PHACTR1: variants seen among roughly 807,000 people sequenced by gnomAD.
PHACTR1 encodes the protein phosphatase and actin regulator 1.
PHACTR1 carries 16 observed loss-of-function variants against 69.2 expected under a neutral mutation model. That is an observed-to-expected ratio of 0.23 (90% CI 0.16 to 0.35). The LOEUF is 0.35. Ranked by LOEUF, PHACTR1 falls within the 10% of genes least tolerant of loss-of-function variation. The pLI, the probability that PHACTR1 is intolerant of heterozygous loss-of-function variation, is 1.00. For missense variants in PHACTR1, 510 were observed against 734.7 expected, an observed-to-expected ratio of 0.69 and a Z score of 3.54; for synonymous variants, 312 against 284.5, an observed-to-expected ratio of 1.10 and a Z score of -0.97.
intron 4 of PHACTR1, among the ~76,000 whole-genome samples, chr6:12,809,761 G>A (rs1004854654): frequency 6.6e-6 from 1 of 152,156 alleles, no homozygotes; most frequent in African/African-American, 2.4e-5. Context: ...TACAAGATCA[G>A]ATACATACGG....
intron 4 of PHACTR1, among the ~76,000 whole-genome samples, chr6:12,997,893 C>T (rs1797621227): frequency 6.6e-6 from 1 of 152,066 alleles, no homozygotes; most frequent in Non-Finnish European, 1.5e-5. Context: ...GCAGAGCTTG[C>T]AGTGAGCCGA....
At chr6:12,725,692 T>C (rs562943087) in intron 3 of PHACTR1, among the ~76,000 whole-genome samples, 7 of 152,324 alleles carry the variant, frequency 4.6e-5, no homozygotes, top group Admixed American at 3.3e-4. Flanking sequence ...GATTAGTTAT[T>C]GATACTCTTG....
chr6:12,738,983 C>G (rs1044628573), intron 3 of PHACTR1, among the ~76,000 whole-genome samples: 1 of 151,962 alleles, frequency 6.6e-6, no homozygotes, highest in East Asian at 1.9e-4. Context: ...TAATGAGTAC[C>G]CATATATAAT....
At chr6:12,747,933 C>A (rs2127593712) in intron 3 of PHACTR1, among the ~76,000 whole-genome samples, 1 of 152,102 alleles carries the variant, frequency 6.6e-6, no homozygotes, top group Non-Finnish European at 1.5e-5. Flanking sequence ...AACTGGCCAA[C>A]AATTAGAAAT....
chr6:13,092,222 C>T, intron 5 of PHACTR1, among the ~76,000 whole-genome samples: 1 of 152,232 alleles, frequency 6.6e-6, no homozygotes, highest in Middle Eastern at 3.2e-3. Context: ...CACTCATCTC[C>T]AGCTCTGCGG....
intron 4 of PHACTR1, among the ~76,000 whole-genome samples, chr6:12,866,966 C>T (rs922490142): frequency 8.5e-5 from 13 of 152,122 alleles, no homozygotes; most frequent in Non-Finnish European, 1.5e-4. Context: ...CTCCTCTCTC[C>T]CTCCCCCCAG....
At chr6:13,037,298 A>G (rs1217729651) in intron 4 of PHACTR1, among the ~76,000 whole-genome samples, 2 of 152,080 alleles carry the variant, frequency 1.3e-5, no homozygotes, top group African/African-American at 4.8e-5. Context: ...AAGCCTCACT[A>G]CCTACAGGCA....
At chr6:13,155,887 C>CAA (rs56094310) in intron 5 of PHACTR1, among the ~76,000 whole-genome samples, 4 of 136,134 alleles carry the variant, frequency 2.9e-5, no homozygotes, top group Admixed American at 7.5e-5. Flanking sequence ...GACTCCCTCT[C>CAA]AAAAAAAAAA....
At chr6:12,912,630 C>T (rs943672105) in intron 4 of PHACTR1, among the ~76,000 whole-genome samples, 3 of 152,212 alleles carry the variant, frequency 2.0e-5, no homozygotes, top group African/African-American at 7.2e-5. Context: ...GTTTCATCCT[C>T]ATTTATCTAA....
At chr6:13,184,549 A>T (rs1762586543) in intron 7 of PHACTR1, among the ~76,000 whole-genome samples, 2 of 152,122 alleles carry the variant, frequency 1.3e-5, no homozygotes, top group African/African-American at 2.4e-5. Flanking sequence ...TTGAGAAAAC[A>T]TCCTCCTCCT....
At chr6:12,910,739 G>C (rs560330267) in intron 4 of PHACTR1, among the ~76,000 whole-genome samples, 1 of 152,280 alleles carries the variant, frequency 6.6e-6, no homozygotes, top group African/African-American at 2.4e-5. Context: ...TAGTCATGAA[G>C]ATGGGCATTT....
chr6:13,181,313 G>A (rs1306551120), intron 6 of PHACTR1, among the ~76,000 whole-genome samples: 5 of 152,284 alleles, frequency 3.3e-5, no homozygotes, highest in South Asian at 4.1e-4. Context: ...GAATCACCTT[G>A]GAGTCACTTA....
intron 4 of PHACTR1, among the ~76,000 whole-genome samples, chr6:12,853,206 C>A (rs1034677339): frequency 1.3e-5 from 2 of 152,146 alleles, no homozygotes; most frequent in Non-Finnish European, 2.9e-5. Context: ...ATCCTGGGCT[C>A]AAAAAGTTAG....
chr6:12,756,404 G>C (rs779546391), intron 4 of PHACTR1, among the ~76,000 whole-genome samples: 91 of 152,146 alleles, frequency 6.0e-4, no homozygotes, highest in Non-Finnish European at 2.6e-4. Context: ...ATTTCGGGGT[G>C]GGGGAGTGGG....
intron 3 of PHACTR1, among the ~76,000 whole-genome samples, chr6:12,738,203 T>G (rs1008663825): frequency 1.3e-5 from 2 of 152,242 alleles, no homozygotes; most frequent in African/African-American, 4.8e-5. Context: ...CCTTTAATTT[T>G]GTCTAACATT....
At chr6:13,241,083 C>T (rs1001077752) in intron 10 of PHACTR1, among the ~76,000 whole-genome samples, 1 of 152,022 alleles carries the variant, frequency 6.6e-6, no homozygotes, top group Admixed American at 6.6e-5. Context: ...ACAGAGCTTC[C>T]CTCCCAAGGA....
At chr6:13,253,383 T>A (rs1774754277) in intron 10 of PHACTR1, among the ~76,000 whole-genome samples, 1 of 152,150 alleles carries the variant, frequency 6.6e-6, no homozygotes, top group Non-Finnish European at 1.5e-5. Context: ...ATTGGAGAAA[T>A]CTAGAACCAT....
chr6:12,953,158 AC>A (rs764366552), intron 4 of PHACTR1, among the ~76,000 whole-genome samples: 30 of 152,100 alleles, frequency 2.0e-4, no homozygotes, highest in Non-Finnish European at 3.2e-4. Flanking sequence ...CCCCGTCTCT[AC>A]AAAAAACATA....
In PHACTR1 at chr6:12,728,826, C is replaced by T. The variant is rs1368474121; in HGVS notation, c.103+9979C>T. On this transcript the variant is annotated intron_variant, in intron 3 of 14. Transcript: ENST00000332995. ...ATAGCCAGCACTGCACACTTACAGACCACTGCTTAGAGCAAGCAGTACAAG... is the reference window on the plus strand; with the variant it reads ...ATAGCCAGCACTGCACACTTACAGATCACTGCTTAGAGCAAGCAGTACAAG... 2.0e-5 allele frequency among the ~76,000 whole-genome samples: 3 copies of T among 152,080 alleles called. No homozygotes were observed. The South Asian group carries it at 6.2e-4, about 32-fold the overall frequency.
Sources: allele counts gnomAD v4.1 joint callset (sites outside exome capture counted in the v4.1 genomes callset), GRCh38; gene constraint gnomAD v4.1.1; transcripts MANE v1.5; gene names NCBI Gene and HGNC (gene_info 2026-07-23, HGNC 2026-07-21).